The following LOC131768270 variants were observed in gnomAD, a reference collection of about 807,000 sequenced individuals.
the LOC131768270 span, chr5:140,567,355 A>C: frequency 6.8e-6 from 11 of 1,614,140 alleles, no homozygotes; most frequent in South Asian, 1.2e-4. Flanking sequence ...TGACCAAGCT[A>C]CTGTTATGCG....
At chr5:140,566,499 C>T in the LOC131768270 span, 1 of 403,534 alleles carries the variant, frequency 2.5e-6, no homozygotes, top group South Asian at 1.3e-4. Flanking sequence ...CTAATCCCAG[C>T]TTGAGTAGCC....
chr5:140,565,138 T>C, the LOC131768270 span: 1 of 379,424 alleles, frequency 2.6e-6, no homozygotes, highest in South Asian at 1.5e-4. Context: ...CACTCCTCAC[T>C]TTACCCCATT....
the LOC131768270 span, chr5:140,568,205 C>T: frequency 5.6e-6 from 9 of 1,611,234 alleles, no homozygotes; most frequent in Non-Finnish European, 7.6e-6. Context: ...ACCAGATCCC[C>T]CTCCCAGGCC....
the LOC131768270 span, chr5:140,566,100 A>G: frequency 2.3e-5 from 9 of 396,110 alleles, no homozygotes; most frequent in Non-Finnish European, 3.6e-5. Context: ...CACCCTAAGG[A>G]CAATTTTTCT....
At chr5:140,566,367 C>T in the LOC131768270 span, among the ~76,000 whole-genome samples, 1 of 152,144 alleles carries the variant, frequency 6.6e-6, no homozygotes, top group African/African-American at 2.4e-5. Context: ...TTTCTGACCC[C>T]AGGGTTCTGA....
At chr5:140,566,447 C>A in the LOC131768270 span, 1 of 398,968 alleles carries the variant, frequency 2.5e-6, no homozygotes, top group African/African-American at 2.1e-5. Context: ...GGAGAAAATA[C>A]CACGGTTGTC....
At chr5:140,564,905 T>C in the LOC131768270 span, 1 of 402,370 alleles carries the variant, frequency 2.5e-6, no homozygotes, top group Non-Finnish European at 4.4e-6. This position sits in a 1 kb window ranked among gnomAD's most constrained non-coding sequence, Gnocchi z 5.0. Flanking sequence ...GTCTTCACTC[T>C]CCTTGACCTT....
chr5:140,566,131 T>C, the LOC131768270 span, among the ~76,000 whole-genome samples: 5,242 of 152,258 alleles, frequency 0.034, 128 homozygotes, highest in East Asian at 0.11. Context: ...TGAACTAATA[T>C]CTTAAGTAGT....
At chr5:140,568,231 TCAG>T in the LOC131768270 span, 1 of 1,597,358 alleles carries the variant, frequency 6.3e-7, no homozygotes, top group South Asian at 1.1e-5. Flanking sequence ...CCCTCTCCCA[TCAG>T]CAGCCCTGTA....
At chr5:140,566,545 T>G in the LOC131768270 span, 2 of 412,348 alleles carry the variant, frequency 4.9e-6, no homozygotes, top group African/African-American at 4.1e-5. Flanking sequence ...CTAAGTTTCC[T>G]TCTGCATTTT....
chr5:140,568,126 G>C, the LOC131768270 span: 1 of 1,613,538 alleles, frequency 6.2e-7, no homozygotes. Context: ...CCATGCGCCT[G>C]TACTATGGCA....
At chr5:140,567,591 G>A in the LOC131768270 span, 101 of 1,614,242 alleles carry the variant, frequency 6.3e-5, 1 homozygote, top group South Asian at 3.7e-4. Context: ...CTCTCTGTGC[G>A]TCAGGGGTTA....
chr5:140,568,065 G>T, the LOC131768270 span: 1 of 1,613,914 alleles, frequency 6.2e-7, no homozygotes, highest in Admixed American at 1.7e-5. Flanking sequence ...GTCCTGCTAC[G>T]GCTGCAGCTC....
chr5:140,568,033 G>A, the LOC131768270 span: 1 of 1,614,022 alleles, frequency 6.2e-7, no homozygotes. Flanking sequence ...GCTCGCTGGT[G>A]GTCAACGCCG....
chr5:140,565,839 C>G, the LOC131768270 span: 1 of 398,556 alleles, frequency 2.5e-6, no homozygotes, highest in Non-Finnish European at 4.4e-6. Flanking sequence ...GGGGCTTAGT[C>G]AGACTGCTGG....
chr5:140,566,794 A>C, the LOC131768270 span: 3 of 598,894 alleles, frequency 5.0e-6, no homozygotes, highest in African/African-American at 5.6e-5. Flanking sequence ...CAGGATGAGC[A>C]GCTCAGCCTT....
the LOC131768270 span, chr5:140,564,935 G>A: frequency 2.5e-6 from 1 of 400,420 alleles, no homozygotes; most frequent in African/African-American, 2.1e-5. This position sits in a 1 kb window ranked among gnomAD's most constrained non-coding sequence, Gnocchi z 5.0. Flanking sequence ...GGGGAGAAGC[G>A]ACTCTGGAGC....
At chr5:140,567,838 C>T in the LOC131768270 span, 2 of 1,614,016 alleles carry the variant, frequency 1.2e-6, no homozygotes, top group Admixed American at 1.7e-5. Flanking sequence ...AGAACCTCTT[C>T]CTCTACACTT....
At chr5:140,566,820 T>C in the LOC131768270 span, 2 of 602,912 alleles carry the variant, frequency 3.3e-6, no homozygotes, top group Non-Finnish European at 5.9e-6. Context: ...GGAGACACTT[T>C]ATCTGGATTC....
Sources: gnomAD v4.1 joint callset for allele counts (sites outside exome capture counted in the v4.1 genomes callset) on GRCh38, gnomAD v4.1.1 for gene constraint, Gnocchi (gnomAD v3.1) non-coding constraint, MANE v1.5 for transcripts.